Variants in AKAP13 observed in about 807,000 individuals in gnomAD.
AKAP13 encodes the protein A-kinase anchor protein 13.
A neutral mutation model predicts 264.5 loss-of-function variants in AKAP13; 80 were observed. The ratio of observed to expected loss-of-function variants is 0.30; its 90% CI spans 0.25 to 0.36. The LOEUF (loss-of-function observed/expected upper bound fraction) is 0.36, where lower values mean the gene tolerates loss of function less well. Ranked by LOEUF, AKAP13 falls within the 10% of genes least tolerant of loss-of-function variation. The pLI, the probability that AKAP13 is intolerant of heterozygous loss-of-function variation, is 1.00. For synonymous variants in AKAP13, 1,380 were observed against 1,250.2 expected, an observed-to-expected ratio of 1.10 and a Z score of -2.19; for missense variants, 3,712 against 3,435.2, an observed-to-expected ratio of 1.08 and a Z score of -2.01.
At chr15:85,558,224 A>G (rs1390234229) in intron 5 of AKAP13, among the ~76,000 whole-genome samples, 4 of 152,228 alleles carry the variant, frequency 2.6e-5, no homozygotes, top group Admixed American at 6.5e-5. Context: ...AATCAATGTT[A>G]TATGTTTCTG....
chr15:85,663,662 C>T (rs767858057), intron 12 of AKAP13, among the ~76,000 whole-genome samples: 108 of 152,206 alleles, frequency 7.1e-4, no homozygotes, highest in Admixed American at 1.7e-3. Context: ...AGCTATGTTT[C>T]GAGATCTTGG....
intron 8 of AKAP13, among the ~76,000 whole-genome samples, chr15:85,606,042 T>G (rs984115301): frequency 2.0e-5 from 3 of 150,680 alleles, no homozygotes; most frequent in African/African-American, 7.3e-5. Flanking sequence ...TTTACATTTT[T>G]AAATAAAGGA....
intron 23 of AKAP13, among the ~76,000 whole-genome samples, chr15:85,719,542 G>GTA (rs2087151448): frequency 6.6e-6 from 1 of 152,140 alleles, no homozygotes; most frequent in Non-Finnish European, 1.5e-5. Flanking sequence ...TAAAGGGAGG[G>GTA]TATATATAAA....
intron 8 of AKAP13, among the ~76,000 whole-genome samples, chr15:85,624,232 A>G (rs2081310954): frequency 6.7e-6 from 1 of 149,840 alleles, no homozygotes; most frequent in Non-Finnish European, 1.5e-5. Flanking sequence ...GATGATTTAT[A>G]GAGAGTATTT....
chr15:85,744,524 C>G (rs2089307568), intron 36 of AKAP13, 104 bp from the exon 37 acceptor site: 2 of 1,238,516 alleles, frequency 1.6e-6, no homozygotes, highest in Non-Finnish European at 2.4e-6. Flanking sequence ...CCCATAAGCC[C>G]CAGTCGCCTG....
At chr15:85,706,559 A>G (rs2086275607) in intron 17 of AKAP13, among the ~76,000 whole-genome samples, 1 of 152,224 alleles carries the variant, frequency 6.6e-6, no homozygotes, top group Non-Finnish European at 1.5e-5. Context: ...GACCTACGTC[A>G]AATTTAGTTT....
rs2087476969 is a variant in AKAP13, at chr15:85,724,379, G to A, written c.6745+1059G>A. The stretch of plus-strand genomic sequence containing the variant: ...GCTGGAATGGAGGAGAAAGCAAGAG[G>A]AATAGCAATAGAGTCAAGTCTTGAA... On this transcript the variant is annotated intron_variant, in intron 26 of 36. Coordinates refer to ENST00000394518, the MANE Select transcript of AKAP13 (RefSeq NM_007200.5). This position sits in a 1 kb window ranked among gnomAD's most constrained non-coding sequence, Gnocchi z 4.2. 6.6e-6 allele frequency among the ~76,000 whole-genome samples: 1 copy of A among 152,114 alleles called. No homozygotes were observed. Among genetic ancestry groups the A allele is most frequent in the Non-Finnish European group, 1.5e-5 (1 of 68,016 alleles).
chr15:85,458,355 C>G (rs1277566219), intron 1 of AKAP13, among the ~76,000 whole-genome samples: 1 of 142,482 alleles, frequency 7.0e-6, no homozygotes, highest in Non-Finnish European at 1.5e-5. Flanking sequence ...GAGTCTTCCC[C>G]TTTCTTTTTT....
Position 85,579,208 on chromosome 15 carries a change from G to A in AKAP13, c.1140G>A (p.Gly380=), listed in dbSNP as rs371689444. The A allele has an allele frequency of 5.0e-6, 8 of 1,614,110 alleles. No homozygotes were observed. Among genetic ancestry groups the A allele is most frequent in the South Asian group, 2.2e-5 (2 of 91,090 alleles). Residue 380 remains glycine (G), a synonymous_variant, in exon 7 of 37, where the codon GGG becomes GGA. Coordinates refer to ENST00000394518, the MANE Select transcript of AKAP13 (RefSeq NM_007200.5). The stretch of plus-strand genomic sequence containing the variant: ...AAAATAAAGGCGTGGAAAGAAAAGG[G>A]GAAGAGGTGGAGCCAGCACCTATTG... The part of the protein sequence containing the change: ...RKKNKGVERK[G]EEVEPAPIVD...
intron 1 of AKAP13, among the ~76,000 whole-genome samples, chr15:85,422,158 T>TA (rs1223135452): frequency 6.6e-6 from 1 of 152,154 alleles, no homozygotes; most frequent in Non-Finnish European, 1.5e-5. Context: ...GGTATGTACG[T>TA]ATTTAGGACC....
chr15:85,559,559 T>G (rs1189279518), intron 5 of AKAP13, among the ~76,000 whole-genome samples: 1 of 152,170 alleles, frequency 6.6e-6, no homozygotes, highest in African/African-American at 2.4e-5. Flanking sequence ...TGAGCTTGTT[T>G]TCCTGCAGCT....
intron 5 of AKAP13, among the ~76,000 whole-genome samples, chr15:85,568,841 A>G (rs1410501983): frequency 1.3e-5 from 2 of 152,236 alleles, no homozygotes; most frequent in African/African-American, 4.8e-5. Flanking sequence ...GAGCAAAAGA[A>G]TGATGTCACT....
At chr15:85,467,216 T>C (rs1389006668) in intron 1 of AKAP13, among the ~76,000 whole-genome samples, 1 of 152,212 alleles carries the variant, frequency 6.6e-6, no homozygotes, top group African/African-American at 2.4e-5. Context: ...GCTTCTGTGC[T>C]TTTCTACCTT....
chr15:85,494,962 T>G (rs730372), intron 2 of AKAP13, among the ~76,000 whole-genome samples: 77,750 of 152,010 alleles, frequency 0.51, 20,451 homozygotes, highest in Middle Eastern at 0.61. Flanking sequence ...GTGAGGATTA[T>G]ACTGTCTTTA....
chr15:85,547,430 T>G (rs553604139), intron 5 of AKAP13, among the ~76,000 whole-genome samples: 1 of 152,354 alleles, frequency 6.6e-6, no homozygotes, highest in Admixed American at 6.5e-5. Context: ...GTCTTACTTC[T>G]GCGAAAATTA....
intron 5 of AKAP13, among the ~76,000 whole-genome samples, chr15:85,574,611 T>G (rs1363549789): frequency 6.6e-6 from 1 of 152,226 alleles, no homozygotes; most frequent in Non-Finnish European, 1.5e-5. Flanking sequence ...TGTAACAGTT[T>G]TTCTTTGTGT....
Position 85,382,433 on chromosome 15 carries a change from T to C in AKAP13, c.-12+1635T>C, listed in dbSNP as rs2070330805. Among the ~76,000 whole-genome samples, 3 of 152,304 alleles carry C rather than the reference T, an allele frequency of 2.0e-5. No homozygotes were observed. The South Asian group carries it at 6.2e-4, about 32-fold the overall frequency. Reference sequence around the variant, plus strand: ...CACTTTTAAATTACAGAGCCGCTTTTAGGATTCACAGTACTCGCTCCATGG... The same window carrying C: ...CACTTTTAAATTACAGAGCCGCTTTCAGGATTCACAGTACTCGCTCCATGG... On this transcript the variant is annotated intron_variant, in intron 1 of 36. Transcript: ENST00000394518.
chr15:85,518,491 A>G (rs1016501007), intron 2 of AKAP13, among the ~76,000 whole-genome samples: 1 of 152,192 alleles, frequency 6.6e-6, no homozygotes, highest in Non-Finnish European at 1.5e-5. Flanking sequence ...TTTTGGGCAT[A>G]AGGTAGTGTG....
chr15:85,402,690 T>G (rs1458518808), intron 1 of AKAP13, among the ~76,000 whole-genome samples: 1 of 152,194 alleles, frequency 6.6e-6, no homozygotes, highest in Non-Finnish European at 1.5e-5. Context: ...GCACTTACTT[T>G]GTAGCATTTT....
Sources: gnomAD v4.1 joint callset for allele counts (sites outside exome capture counted in the v4.1 genomes callset) on GRCh38, gnomAD v4.1.1 for gene constraint, Gnocchi (gnomAD v3.1) non-coding constraint, MANE v1.5 for transcripts, NCBI Gene and HGNC (gene_info 2026-07-23, HGNC 2026-07-21) for gene names.